RALYL: variants seen among roughly 807,000 people sequenced by gnomAD.
RALYL encodes the protein RNA-binding Raly-like protein.
In RALYL, 29 loss-of-function variants were observed where a neutral mutation model predicts 35.1. The ratio of observed to expected loss-of-function variants is 0.83; its 90% confidence interval spans 0.61 to 1.13. The LOEUF (loss-of-function observed/expected upper bound fraction) is 1.13. RALYL is among the 50% of genes most tolerant of loss of function. RALYL has a pLI of 0.00. For missense variants in RALYL, 359 were observed against 360.4 expected (o/e 1.00, Z 0.03); for synonymous variants, 120 against 127.6 (o/e 0.94, Z 0.40).
At chr8:84,270,139 C>A (rs1176300625) in intron 1 of RALYL, among the ~76,000 whole-genome samples, 1 of 152,126 alleles carries the variant, frequency 6.6e-6, no homozygotes, top group Non-Finnish European at 1.5e-5. Flanking sequence ...GTCATTACAG[C>A]CCAGTTCTTA....
At chr8:84,578,811 GTGAGTC>G (rs1235813103) in intron 2 of RALYL, among the ~76,000 whole-genome samples, 1 of 152,202 alleles carries the variant, frequency 6.6e-6, no homozygotes, top group Non-Finnish European at 1.5e-5. Context: ...TAACGTCTGT[GTGAGTC>G]TGGCTGGGTC....
At chr8:84,296,865 T>A (rs1563686587) in intron 1 of RALYL, among the ~76,000 whole-genome samples, 1 of 151,888 alleles carries the variant, frequency 6.6e-6, no homozygotes, top group Admixed American at 6.6e-5. Flanking sequence ...TATACTTTGA[T>A]TTGTTGCCTA....
intron 1 of RALYL, among the ~76,000 whole-genome samples, chr8:84,446,854 A>T (rs961350923): frequency 1.3e-5 from 2 of 152,114 alleles, no homozygotes; most frequent in Non-Finnish European, 2.9e-5. Context: ...GTTATCCAAG[A>T]TTCTGTAAGG....
At chr8:84,626,391 A>G (rs147679662) in intron 2 of RALYL, among the ~76,000 whole-genome samples, 10 of 152,284 alleles carry the variant, frequency 6.6e-5, no homozygotes, top group East Asian at 1.9e-4. Flanking sequence ...CTTCTGTTGT[A>G]TTATTAGTTT....
chr8:84,891,485 T>A (rs1843834335), intron 8 of RALYL, among the ~76,000 whole-genome samples: 1 of 152,070 alleles, frequency 6.6e-6, no homozygotes, highest in Non-Finnish European at 1.5e-5. Flanking sequence ...TGGCAATAAA[T>A]CCAAACCATG....
intron 1 of RALYL, among the ~76,000 whole-genome samples, chr8:84,274,065 C>CT (rs1834868920): frequency 6.6e-6 from 1 of 151,914 alleles, no homozygotes; most frequent in African/African-American, 2.4e-5. Context: ...TTTCATTAAC[C>CT]TTTTGTGATG....
At chr8:84,313,208 C>T (rs922880129) in intron 1 of RALYL, among the ~76,000 whole-genome samples, 1 of 152,180 alleles carries the variant, frequency 6.6e-6, no homozygotes. Flanking sequence ...CCTCAGGCTA[C>T]ACAGAGGAAT....
intron 2 of RALYL, among the ~76,000 whole-genome samples, chr8:84,740,516 T>A (rs1444386541): frequency 6.6e-6 from 1 of 152,048 alleles, no homozygotes; most frequent in Non-Finnish European, 1.5e-5. Flanking sequence ...GGTAACTTTT[T>A]ATTGTGGTAA....
intron 2 of RALYL, among the ~76,000 whole-genome samples, chr8:84,724,322 C>T (rs1226154524): frequency 6.6e-6 from 1 of 151,760 alleles, no homozygotes; most frequent in Admixed American, 6.6e-5. Context: ...CTTTCAGTAA[C>T]AGTATAAATG....
intron 1 of RALYL, among the ~76,000 whole-genome samples, chr8:84,260,528 T>G (rs1281257304): frequency 1.3e-5 from 2 of 152,132 alleles, no homozygotes; most frequent in Non-Finnish European, 2.9e-5. Context: ...AGGCTCAGAC[T>G]CTGAAGTACA....
chr8:84,199,448 C>T (rs1452204252), intron 1 of RALYL, among the ~76,000 whole-genome samples: 3 of 152,094 alleles, frequency 2.0e-5, no homozygotes, highest in African/African-American at 4.8e-5. Flanking sequence ...TATGAGTTGT[C>T]TCCTCACTTT....
At chr8:84,612,300 G>C (rs954163623) in intron 2 of RALYL, among the ~76,000 whole-genome samples, 1 of 151,942 alleles carries the variant, frequency 6.6e-6, no homozygotes, top group South Asian at 2.1e-4. Context: ...TATTACCCAA[G>C]TCATGAATAC....
rs181595087 is a variant in RALYL, at chr8:84,460,282, C to T, written c.-23-69017C>T. On this transcript the variant is annotated intron_variant, in intron 1 of 8. Coordinates refer to ENST00000521268, the MANE Select transcript of RALYL (RefSeq NM_173848.7). The stretch of plus-strand genomic sequence containing the variant: ...CTTATGGAAGCAATTTAACCTTGTC[C>T]ATCAACTTCAAGTGCAAATATCATT... 2.6e-5 allele frequency among the ~76,000 whole-genome samples: 4 copies of T among 151,780 alleles called. No individual in the cohort carries two copies. The East Asian group carries it at 7.8e-4, about 29-fold the overall frequency.
chr8:84,862,428 T>C lies in RALYL; in HGVS notation c.546T>C (p.Thr182=), dbSNP rs1337189301. ...CCATGAAAGGTGGATCGAGATCTAC[T>C]GCCAGTGGGTCAACAGGTTCTAAAT... ...VFSMKGGSRS[T]ASGSTGSKLK... The change falls in exon 6 of 9, where the codon ACT becomes ACC. Residue 182 remains threonine, a synonymous_variant. Transcript: ENST00000521268. The C allele has an allele frequency of 1.2e-5, 20 of 1,604,676 alleles. No individual in the cohort carries two copies. Among genetic ancestry groups the C allele is most frequent in the Non-Finnish European group, 1.6e-5 (19 of 1,176,414 alleles).
Position 84,508,650 on chromosome 8 carries a change from T to A in RALYL, c.-23-20649T>A, listed in dbSNP as rs563397027. ...CATGCCAAGTACTGCACAAATTATA[T>A]ACATATATATATTTTTTTAAAAAAA... is the stretch of plus-strand genomic sequence containing the variant. On this transcript the variant is annotated intron_variant, in intron 1 of 8. Transcript: ENST00000521268. 2.2e-4 allele frequency among the ~76,000 whole-genome samples: 34 copies of A among 152,102 alleles called. 2 individuals carry two copies. In the South Asian group the frequency reaches 6.8e-3, roughly 31 times the overall value.
rs560828636 is a variant in RALYL, at chr8:84,792,268, C to T, written c.333-12502C>T. On this transcript the variant is annotated intron_variant, in intron 3 of 8. Coordinates refer to ENST00000521268, the MANE Select transcript of RALYL (RefSeq NM_173848.7). ...TTTGTTGAGTCCTGGAGGTGGCTCT[C>T]AGTGGGATGGATGGGGAGATGGAAG... Among the ~76,000 whole-genome samples the T allele has an allele frequency of 7.2e-5, 11 of 152,272 alleles. No individual in the cohort carries two copies. The South Asian group carries it at 2.1e-3, about 29-fold the overall frequency.
chr8:84,236,424 A>G (rs1826568868), intron 1 of RALYL, among the ~76,000 whole-genome samples: 1 of 152,074 alleles, frequency 6.6e-6, no homozygotes, highest in Non-Finnish European at 1.5e-5. Flanking sequence ...ACCCTTCCCC[A>G]CAGGAAGGGT....
At chr8:84,426,475 G>GTGTGTGTGTGT (rs1554662561) in intron 1 of RALYL, among the ~76,000 whole-genome samples, 6 of 70,628 alleles carry the variant, frequency 8.5e-5, no homozygotes, top group Admixed American at 3.0e-4. Context: ...TGTGTGTGTG[G>GTGTGTGTGTGT]GTTTAGATTT....
At chr8:84,586,770 A>G (rs547256604) in intron 2 of RALYL, among the ~76,000 whole-genome samples, 39 of 151,446 alleles carry the variant, frequency 2.6e-4, no homozygotes, top group African/African-American at 9.4e-4. Context: ...TTATTAAATT[A>G]AAAAAAAAGT....
Sources: gnomAD v4.1 joint callset for allele counts (sites outside exome capture counted in the v4.1 genomes callset) on GRCh38, gnomAD v4.1.1 for gene constraint, MANE v1.5 for transcripts, NCBI Gene and HGNC (gene_info 2026-07-23, HGNC 2026-07-21) for gene names.